Variants in HCN2 observed in about 807,000 individuals in gnomAD.
HCN2 encodes hyperpolarization activated cyclic nucleotide gated potassium and sodium channel 2, also known as potassium/sodium hyperpolarization-activated cyclic nucleotide-gated channel 2.
Under a neutral mutation model 52.3 loss-of-function variants are expected in HCN2, and 20 were observed. The ratio of observed to expected loss-of-function variants is 0.38; its 90% CI spans 0.27 to 0.56. The LOEUF is 0.56. Ranked by LOEUF, HCN2 falls within the 20% of genes least tolerant of loss-of-function variation. HCN2 has a pLI of 0.71. For missense variants in HCN2, 981 were observed against 1,207.7 expected, an observed-to-expected ratio of 0.81 and a Z score of 2.78; for synonymous variants, 694 against 537.0, an observed-to-expected ratio of 1.29 and a Z score of -4.04.
In HCN2 at chr19:605,048, C is replaced by T. The variant is rs377406500; in HGVS notation, c.1057-13C>T. 88 of 1,605,314 alleles carry T rather than the reference C, an allele frequency of 5.5e-5. 1 individual carries two copies. In the African/African-American group the frequency reaches 7.1e-4, roughly 13 times the overall value. On this transcript the variant is annotated splice_polypyrimidine_tract_variant and intron_variant, in intron 2 of 7. Coordinates refer to ENST00000251287, the MANE Select transcript of HCN2 (RefSeq NM_001194.4). Reference sequence around the variant, plus strand: ...GTCAGCGGGTAGGGTGGGCTCACGGCGCCTTCCTGCAGATCTTCCACATGA... The same window carrying T: ...GTCAGCGGGTAGGGTGGGCTCACGGTGCCTTCCTGCAGATCTTCCACATGA...
chr19:617,066 C>A lies in HCN2; in HGVS notation c.*592C>A, dbSNP rs1213744467. 7 of 577,208 alleles carry A rather than the reference C, an allele frequency of 1.2e-5. No individual in the cohort carries two copies. Among genetic ancestry groups the A allele is most frequent in the East Asian group, 8.8e-5 (3 of 34,274 alleles). 35.8% of individuals were successfully genotyped at this position (577,208 alleles called of 1,614,324 possible). A position where few individuals can be genotyped will look rare whatever the true frequency, so the allele number is the denominator to read the frequency against. On this transcript the variant is annotated 3_prime_UTR_variant, in exon 8 of 8. Coordinates refer to ENST00000251287, the MANE Select transcript of HCN2 (RefSeq NM_001194.4). ...CCCGCCGCCGTGATGAATGTACTGA[C>A]GAGCCGAGGCAGCAGTGCCCCCACC...
At chr19:605,354 T>A in intron 3 of HCN2, 132 bp downstream of exon 3, 1 of 533,752 alleles carries the variant, frequency 1.9e-6, no homozygotes, top group Non-Finnish European at 3.0e-6. Flanking sequence ...CGCCCCCTTA[T>A]GGAGGGGAGG....
chr19:615,575 T>A (rs1196871336), intron 7 of HCN2, among the ~76,000 whole-genome samples: 1 of 152,222 alleles, frequency 6.6e-6, no homozygotes, highest in Non-Finnish European at 1.5e-5. Context: ...ATGCTGGCTG[T>A]GCATAGCAGG....
chr19:610,431 A>G, intron 5 of HCN2, 26 bp downstream of exon 5: 1 of 1,606,026 alleles, frequency 6.2e-7, no homozygotes, highest in Non-Finnish European at 8.5e-7. Flanking sequence ...GGCGGGCGGG[A>G]GGCAGCCTCC....
In HCN2 at chr19:616,662, C is replaced by T. The variant is rs1170759744; in HGVS notation, c.*188C>T. ...CCCTCCGCGCCCCCGGCCGTCCCCCCTCATCGCCCCGCGCCCACCCCCATC... is the reference window on the plus strand; with the variant it reads ...CCCTCCGCGCCCCCGGCCGTCCCCCTTCATCGCCCCGCGCCCACCCCCATC... On this transcript the variant is annotated 3_prime_UTR_variant, in exon 8 of 8. Coordinates refer to ENST00000251287, the MANE Select transcript of HCN2 (RefSeq NM_001194.4). 1.5e-5 allele frequency: 4 copies of T among 263,666 alleles called. No homozygotes were observed. Among genetic ancestry groups the T allele is most frequent in the East Asian group, 1.5e-4 (2 of 13,286 alleles). 16.3% of individuals were successfully genotyped at this position (263,666 alleles called of 1,614,324 possible). A position where few individuals can be genotyped will look rare whatever the true frequency, so the allele number is the denominator to read the frequency against.
At chr19:611,014 C>T (rs2144527533) in intron 5 of HCN2, among the ~76,000 whole-genome samples, 2 of 152,310 alleles carry the variant, frequency 1.3e-5, no homozygotes, top group South Asian at 2.1e-4. Context: ...TCTCTGCCTC[C>T]ATCTGCTCAC....
At chr19:609,055 T>C (rs1490763714) in intron 4 of HCN2, among the ~76,000 whole-genome samples, 1 of 152,156 alleles carries the variant, frequency 6.6e-6, no homozygotes, top group Non-Finnish European at 1.5e-5. Context: ...GGGAGCCAAG[T>C]GCCCCCCTCT....
Position 616,157 on chromosome 19 carries a change from G to T in HCN2, c.2353G>T (p.Ala785Ser). 1.5e-6 allele frequency: 1 copy of T among 665,170 alleles called. No individual in the cohort carries two copies. The allele number at this position is 665,170 out of a possible 1,614,324, so 41.2% of individuals were successfully genotyped here. A position where few individuals can be genotyped will look rare whatever the true frequency, so the allele number is the denominator to read the frequency against. The change falls in exon 8 of 8, where the codon GCC (alanine) becomes TCC (serine). Residue 785 changes from alanine (A) to serine (S), a missense_variant. Ala to Ser is a moderately conservative substitution (Grantham distance 99). Transcript: ENST00000251287. ...CCCCGCCAGCCCCCCGGGCGCGCCC[G>T]CCAGCCCCCGGGCACCGCGGACCTC... ...PPPASPPGAPASPRAPRTSPY... is the reference protein window; with the variant it reads ...PPPASPPGAPSSPRAPRTSPY...
chr19:603,331 C>T (rs1983279556), intron 1 of HCN2, among the ~76,000 whole-genome samples: 1 of 148,606 alleles, frequency 6.7e-6, no homozygotes, highest in Non-Finnish European at 1.5e-5. Flanking sequence ...CGGGGCTGGT[C>T]CCATAGGTGC....
In HCN2 at chr19:590,740, C is replaced by A; in HGVS notation, c.632+163C>A. ...GTGTCCGGGACCCGCCCCGGAGTGA[C>A]CCCGGCGCGCGAGGCTCCGCCTCTG... On this transcript the variant is annotated intron_variant, in intron 1 of 7. Coordinates refer to ENST00000251287, the MANE Select transcript of HCN2 (RefSeq NM_001194.4). This position sits in a 1 kb window ranked among gnomAD's most constrained non-coding sequence, Gnocchi z 7.2. 2.4e-6 allele frequency: 1 copy of A among 418,418 alleles called. No individual in the cohort carries two copies. Among genetic ancestry groups the A allele is most frequent in the Non-Finnish European group, 3.8e-6 (1 of 263,116 alleles). The allele number at this position is 418,418 out of a possible 1,614,324, so 25.9% of individuals were successfully genotyped here. A position where few individuals can be genotyped will look rare whatever the true frequency, so the allele number is the denominator to read the frequency against.
At chr19:608,343 G>A (rs974373870) in intron 4 of HCN2, among the ~76,000 whole-genome samples, 161 bp downstream of exon 4, 1 of 138,910 alleles carries the variant, frequency 7.2e-6, no homozygotes, top group Admixed American at 8.0e-5. Context: ...GGGTCTGAGG[G>A]CGGAGGTAGT....
Position 590,543 on chromosome 19 carries a change from G to A in HCN2, c.598G>A (p.Gly200Arg), listed in dbSNP as rs1166604630. The change falls in exon 1 of 8, where the codon GGG (glycine) becomes AGG (arginine). Residue 200 changes from glycine (G) to arginine (R), a missense_variant. Transcript: ENST00000251287. The surrounding 1 kb of genome is among the most constrained non-coding windows in gnomAD (Gnocchi z 7.2). ...EREQERVKSAGAWIIHPYSDF... is the reference protein window; with the variant it reads ...EREQERVKSARAWIIHPYSDF... ...CGAGCAGGAGCGCGTCAAGTCGGCGGGGGCCTGGATCATCCACCCGTACAG... is the reference window on the plus strand; with the variant it reads ...CGAGCAGGAGCGCGTCAAGTCGGCGAGGGCCTGGATCATCCACCCGTACAG... 1 of 1,507,028 alleles carries A rather than the reference G, an allele frequency of 6.6e-7. No individual in the cohort carries two copies. Among genetic ancestry groups the A allele is most frequent in the Non-Finnish European group, 8.9e-7 (1 of 1,120,568 alleles). 93.4% of individuals were successfully genotyped at this position (1,507,028 alleles called of 1,614,324 possible). A position where few individuals can be genotyped will look rare whatever the true frequency, so the allele number is the denominator to read the frequency against.
At chr19:599,846 CCGTGTGTGTGTG>C (rs1983147700) in intron 1 of HCN2, among the ~76,000 whole-genome samples, 1 of 79,558 alleles carries the variant, frequency 1.3e-5, no homozygotes, top group Non-Finnish European at 2.7e-5. Context: ...GGAAGGGGTC[CCGTGTGTGTGTG>C]TGTGTGTGTG....
intron 3 of HCN2, 61 bp downstream of exon 3, chr19:605,283 A>G (rs1983384425): frequency 1.3e-6 from 2 of 1,535,716 alleles, no homozygotes; most frequent in East Asian, 2.3e-5. Context: ...GGGGGGACCC[A>G]GGCCCCCTTA....
chr19:601,227 C>T lies in HCN2; in HGVS notation c.633-2317C>T, dbSNP rs372172284. Among the ~76,000 whole-genome samples the T allele has an allele frequency of 3.2e-3, 488 of 152,256 alleles. 6 individuals carry two copies. Among genetic ancestry groups the T allele is most frequent in the African/African-American group, 0.011 (452 of 41,550 alleles). On this transcript the variant is annotated intron_variant, in intron 1 of 7. Coordinates refer to ENST00000251287, the MANE Select transcript of HCN2 (RefSeq NM_001194.4). ...ACTCAGGAGGCTGAGGCAGGAGAAT[C>T]GCTTGAACTTGGGAGGCGGAGGTGG...
In HCN2 at chr19:591,651, C is replaced by T. The variant is rs1356193236; in HGVS notation, c.632+1074C>T. Among the ~76,000 whole-genome samples, 1 of 151,762 alleles carries T rather than the reference C, an allele frequency of 6.6e-6. No homozygotes were observed. The highest frequency in any genetic ancestry group is 6.5e-5 in the Admixed American group (1 of 15,272). ...GGCCCGCCGGGCTAGCGAGGCCGGG[C>T]GCGCGGGACGGGCGCGGTTTCAGCA... On this transcript the variant is annotated intron_variant, in intron 1 of 7. Transcript: ENST00000251287. This position sits in a 1 kb window ranked among gnomAD's most constrained non-coding sequence, Gnocchi z 4.1.
At position 591,456 on chromosome 19, in the gene HCN2, G is replaced by A. The variant is rs1293698311; in HGVS notation, c.632+879G>A. On this transcript the variant is annotated intron_variant, in intron 1 of 7. Coordinates refer to ENST00000251287, the MANE Select transcript of HCN2 (RefSeq NM_001194.4). The surrounding 1 kb of genome is among the most constrained non-coding windows in gnomAD (Gnocchi z 4.1). ...GTGTGGTTTGTGTGTGTTGGGACCA[G>A]GTGGCGGGCGTGCGCGTGTACGCCC... 2.0e-5 allele frequency among the ~76,000 whole-genome samples: 3 copies of A among 152,106 alleles called. No homozygotes were observed. Among genetic ancestry groups the A allele is most frequent in the African/African-American group, 7.2e-5 (3 of 41,426 alleles).
intron 7 of HCN2, 24 bp downstream of exon 7, chr19:614,040 G>T (rs1299778911): frequency 1.1e-5 from 17 of 1,533,560 alleles, no homozygotes; most frequent in Non-Finnish European, 1.5e-5. Context: ...GGGCGTGGCC[G>T]GGGCGGGTGC....
intron 7 of HCN2, among the ~76,000 whole-genome samples, chr19:615,547 T>G (rs1454129442): frequency 6.6e-6 from 1 of 152,128 alleles, no homozygotes; most frequent in Non-Finnish European, 1.5e-5. Flanking sequence ...CTGCTTTCTG[T>G]ATGCAGGTGC....
Sources: allele counts gnomAD v4.1 joint callset (sites outside exome capture counted in the v4.1 genomes callset), GRCh38; gene constraint gnomAD v4.1.1; non-coding constraint Gnocchi (gnomAD v3.1); transcripts MANE v1.5; gene names NCBI Gene and HGNC (gene_info 2026-07-23, HGNC 2026-07-21).